KATNIP: variants seen among roughly 807,000 people sequenced by gnomAD.
The protein encoded by KATNIP is katanin interacting protein.
KATNIP carries 126 observed loss-of-function variants against 174.0 expected under a neutral mutation model. That is an observed-to-expected ratio of 0.72 (90% confidence interval 0.63 to 0.84). The LOEUF is 0.84. KATNIP is among the 40% of genes least tolerant of loss of function. KATNIP has a pLI of 0.00. For missense variants in KATNIP, 1,958 were observed against 2,109.7 expected, an observed-to-expected ratio of 0.93 and a Z score of 1.41; for synonymous variants, 810 against 835.7, an observed-to-expected ratio of 0.97 and a Z score of 0.53.
rs992163291 is a variant in KATNIP at position 27,772,112 on chromosome 16, T to TA, written c.4198+469dup. On this transcript the variant is annotated intron_variant, in intron 22 of 27. Transcript: ENST00000261588. ...GGCAACATAATGAGACTCCATATCT[T>TA]AAAAAAAAATAAATAAATTAGCTGG... 7.9e-5 allele frequency among the ~76,000 whole-genome samples: 12 copies of TA among 151,350 alleles called. No individual in the cohort carries two copies. In the East Asian group the frequency reaches 1.2e-3, roughly 15 times the overall value.
chr16:27,581,715 T>A (rs1266990871), intron 2 of KATNIP, among the ~76,000 whole-genome samples: 1 of 152,174 alleles, frequency 6.6e-6, no homozygotes, highest in East Asian at 1.9e-4. Context: ...CTACACCTAA[T>A]TTGTAGTCTT....
intron 2 of KATNIP, among the ~76,000 whole-genome samples, chr16:27,581,293 A>G (rs2090688592): frequency 2.0e-5 from 3 of 152,360 alleles, no homozygotes; most frequent in African/African-American, 7.2e-5. Context: ...GCACATAGGA[A>G]TAGCCAAAGG....
At chr16:27,601,552 G>A (rs1237652875) in intron 2 of KATNIP, among the ~76,000 whole-genome samples, 1 of 152,184 alleles carries the variant, frequency 6.6e-6, no homozygotes, top group East Asian at 1.9e-4. Context: ...CTGAGCTCGA[G>A]TGATCCTCCT....
intron 22 of KATNIP, among the ~76,000 whole-genome samples, chr16:27,772,178 G>A (rs925497266): frequency 6.6e-6 from 1 of 152,164 alleles, no homozygotes; most frequent in African/African-American, 2.4e-5. Context: ...AGGCTGAGGT[G>A]GGAGGACCTT....
rs529265936 is a variant in KATNIP at position 27,663,801 on chromosome 16, T to C, written c.541-13928T>C. Among the ~76,000 whole-genome samples, 238 of 151,774 alleles carry C rather than the reference T, an allele frequency of 1.6e-3. 1 individual carries two copies. The highest frequency in any genetic ancestry group is 3.8e-3 in the African/African-American group (156 of 41,366). On this transcript the variant is annotated intron_variant, in intron 6 of 27. Coordinates refer to ENST00000261588, the MANE Select transcript of KATNIP (RefSeq NM_015202.5). ...TTATTAGTTTAGGGTGTTTTTTTTT[T>C]CCCCTCCTATATGTTTATTTTTTCA...
At chr16:27,620,896 T>C (rs1307243079) in intron 3 of KATNIP, among the ~76,000 whole-genome samples, 1 of 152,202 alleles carries the variant, frequency 6.6e-6, no homozygotes, top group African/African-American at 2.4e-5. Flanking sequence ...AAGGGAAGCA[T>C]TGTGATAAGG....
intron 1 of KATNIP, among the ~76,000 whole-genome samples, chr16:27,552,190 C>G (rs1343026212): frequency 6.6e-6 from 1 of 152,100 alleles, no homozygotes; most frequent in East Asian, 1.9e-4. Flanking sequence ...AAAAACTACT[C>G]TCATTTCTGC....
At chr16:27,661,947 T>TAC (rs2077502693) in intron 6 of KATNIP, among the ~76,000 whole-genome samples, 2 of 65,272 alleles carry the variant, frequency 3.1e-5, no homozygotes, top group African/African-American at 1.4e-4. Context: ...TATATATATA[T>TAC]ATATATATAC....
rs1033629084 is a variant in KATNIP at position 27,762,885 on chromosome 16, C to G, written c.3809+1295C>G. On this transcript the variant is annotated intron_variant, in intron 19 of 27. Coordinates refer to ENST00000261588, the MANE Select transcript of KATNIP (RefSeq NM_015202.5). ...CACAGTGCGGCTTATGGATCCTTCC[C>G]ACCCACTCACCACCCACCTGCCAGA... Among the ~76,000 whole-genome samples, 3 of 152,216 alleles carry G rather than the reference C, an allele frequency of 2.0e-5. No individual in the cohort carries two copies. In the East Asian group the frequency reaches 5.8e-4, roughly 29 times the overall value.
intron 14 of KATNIP, among the ~76,000 whole-genome samples, chr16:27,734,931 C>A (rs2080843616): frequency 6.6e-6 from 1 of 152,228 alleles, no homozygotes; most frequent in Admixed American, 6.5e-5. Flanking sequence ...TAAGATGGGG[C>A]CCTAATGCTT....
At chr16:27,614,652 T>C (rs2075990458) in intron 2 of KATNIP, among the ~76,000 whole-genome samples, 1 of 152,152 alleles carries the variant, frequency 6.6e-6, no homozygotes, top group Non-Finnish European at 1.5e-5. Flanking sequence ...TATGTCACCC[T>C]TTCTTATTAT....
At chr16:27,553,129 A>G (rs1596686742) in intron 1 of KATNIP, among the ~76,000 whole-genome samples, 3 of 152,234 alleles carry the variant, frequency 2.0e-5, no homozygotes. Flanking sequence ...ATATGGTTTT[A>G]TAACATCAGC....
At chr16:27,721,235 C>A (rs2143018063) in intron 13 of KATNIP, among the ~76,000 whole-genome samples, 2 of 152,318 alleles carry the variant, frequency 1.3e-5, no homozygotes, top group South Asian at 4.1e-4. Flanking sequence ...TTCCCCTCCC[C>A]CAGCGCTCTC....
chr16:27,738,068 G>A (rs551626182), intron 14 of KATNIP, among the ~76,000 whole-genome samples: 3 of 152,220 alleles, frequency 2.0e-5, no homozygotes, highest in South Asian at 2.1e-4. Context: ...CATGCGGGGG[G>A]CCCTGCAATG....
rs1205576353 is a variant in KATNIP at position 27,777,783 on chromosome 16, C to T, written c.4712+13C>T. On this transcript the variant is annotated intron_variant, in intron 26 of 27. Coordinates refer to ENST00000261588, the MANE Select transcript of KATNIP (RefSeq NM_015202.5). The surrounding 1 kb of genome is among the most constrained non-coding windows in gnomAD (Gnocchi z 4.4). ...ACACCACCATCAGGTAGGGCCCCAG[C>T]CGGCCCCATGGCCTCCCCACCAGCC... is the stretch of plus-strand genomic sequence containing the variant. 6.2e-7 allele frequency: 1 copy of T among 1,612,766 alleles called. No individual in the cohort carries two copies. The highest frequency in any genetic ancestry group is 8.5e-7 in the Non-Finnish European group (1 of 1,179,102).
intron 14 of KATNIP, among the ~76,000 whole-genome samples, chr16:27,736,553 C>T (rs960998060): frequency 2.0e-5 from 3 of 152,144 alleles, no homozygotes; most frequent in African/African-American, 7.2e-5. Flanking sequence ...TGGGCATCTG[C>T]GGCAGAACAC....
At chr16:27,620,707 G>C (rs981603406) in intron 3 of KATNIP, among the ~76,000 whole-genome samples, 7 of 152,144 alleles carry the variant, frequency 4.6e-5, no homozygotes, top group Non-Finnish European at 1.0e-4. Flanking sequence ...GAAAACCCAG[G>C]CTGCTTATCT....
chr16:27,735,542 G>A (rs568958435), intron 14 of KATNIP, among the ~76,000 whole-genome samples: 1 of 152,226 alleles, frequency 6.6e-6, no homozygotes, highest in Non-Finnish European at 1.5e-5. Context: ...TTCACAGCAC[G>A]CACTTGCTCT....
chr16:27,579,384 C>T (rs2090610684), intron 2 of KATNIP, among the ~76,000 whole-genome samples: 1 of 152,180 alleles, frequency 6.6e-6, no homozygotes, highest in South Asian at 2.1e-4. Flanking sequence ...GCCCTCTCAC[C>T]TTGTTTGATA....
Sources: gnomAD v4.1 joint callset for allele counts (sites outside exome capture counted in the v4.1 genomes callset) on GRCh38, gnomAD v4.1.1 for gene constraint, Gnocchi (gnomAD v3.1) non-coding constraint, MANE v1.5 for transcripts, NCBI Gene and HGNC (gene_info 2026-07-23, HGNC 2026-07-21) for gene names.